The following PLGRKT variants were observed in gnomAD, a reference collection of about 807,000 sequenced individuals.
PLGRKT encodes plasminogen receptor (KT).
A neutral mutation model predicts 18.5 loss-of-function variants in PLGRKT; 22 were observed. That is an observed-to-expected ratio of 1.19 (90% CI 0.85 to 1.70). The LOEUF (loss-of-function observed/expected upper bound fraction) is 1.70. Ranked by LOEUF, PLGRKT falls within the 40% of genes most tolerant of loss-of-function variation. PLGRKT has a pLI of 0.00. For synonymous variants in PLGRKT, 72 were observed against 52.8 expected (o/e 1.36, Z -1.58); for missense variants, 235 against 174.4 (o/e 1.35, Z -1.96).
chr9:5,400,214 T>G (rs1352977900), intron 3 of PLGRKT, among the ~76,000 whole-genome samples: 1 of 151,820 alleles, frequency 6.6e-6, no homozygotes, highest in Non-Finnish European at 1.5e-5. Context: ...ACAGATAGAT[T>G]TTCCAAGAGA....
intron 3 of PLGRKT, among the ~76,000 whole-genome samples, chr9:5,399,845 G>C (rs753103737): frequency 6.6e-6 from 1 of 151,478 alleles, no homozygotes; most frequent in African/African-American, 2.4e-5. Context: ...CCAAAAATTA[G>C]CCAGGCCTGG....
At chr9:5,405,840 A>C (rs1167639944) in intron 3 of PLGRKT, among the ~76,000 whole-genome samples, 1 of 152,226 alleles carries the variant, frequency 6.6e-6, no homozygotes, top group Non-Finnish European at 1.5e-5. Context: ...AATAGAAGAA[A>C]ATTTTTGCAA....
chr9:5,369,059 T>C (rs1056673677), intron 3 of PLGRKT, among the ~76,000 whole-genome samples: 1 of 152,172 alleles, frequency 6.6e-6, no homozygotes, highest in Non-Finnish European at 1.5e-5. Flanking sequence ...AAGGACTTCA[T>C]GACTAAAACA....
At chr9:5,383,458 G>C in intron 3 of PLGRKT, among the ~76,000 whole-genome samples, 1 of 152,158 alleles carries the variant, frequency 6.6e-6, no homozygotes, top group Non-Finnish European at 1.5e-5. Flanking sequence ...GGACCAGGTT[G>C]ACGGATGGTT....
intron 5 of PLGRKT, 139 bp downstream of exon 5, chr9:5,360,939 G>A: frequency 1.8e-6 from 1 of 570,694 alleles, no homozygotes; most frequent in Non-Finnish European, 3.1e-6. Context: ...CTGTGTGAAA[G>A]GGAGCAGAAA....
At chr9:5,373,236 T>C (rs1319044869) in intron 3 of PLGRKT, among the ~76,000 whole-genome samples, 1 of 152,198 alleles carries the variant, frequency 6.6e-6, no homozygotes, top group Non-Finnish European at 1.5e-5. Flanking sequence ...CAGCATTTTA[T>C]GCCCCTATCC....
chr9:5,400,434 C>G (rs116350068), intron 3 of PLGRKT, among the ~76,000 whole-genome samples: 10,925 of 151,846 alleles, frequency 0.072, 592 homozygotes, highest in South Asian at 0.16. Flanking sequence ...ATGACATAAT[C>G]CTATTACCGT....
At chr9:5,361,227 A>T (rs371252814) in intron 4 of PLGRKT, 40 bp from the exon 5 acceptor site, 7 of 1,190,744 alleles carry the variant, frequency 5.9e-6, no homozygotes, top group Non-Finnish European at 8.7e-6. Context: ...ATCAAAAAAT[A>T]ACCTGTAAAT....
chr9:5,390,101 C>G (rs1817919598), intron 3 of PLGRKT, among the ~76,000 whole-genome samples: 1 of 151,638 alleles, frequency 6.6e-6, no homozygotes, highest in South Asian at 2.1e-4. Flanking sequence ...ATTCTAAAAT[C>G]CAGATACCAA....
At chr9:5,363,096 T>C (rs570541929) in intron 3 of PLGRKT, among the ~76,000 whole-genome samples, 44 of 151,838 alleles carry the variant, frequency 2.9e-4, no homozygotes, top group African/African-American at 9.2e-4. Context: ...GGACTACCAA[T>C]GAGTCCAAAA....
intron 3 of PLGRKT, chr9:5,381,738 C>T (rs1423982542): frequency 4.3e-6 from 1 of 234,704 alleles, no homozygotes; most frequent in African/African-American, 2.3e-5. Flanking sequence ...TGAGCAGGTT[C>T]TTCACTTGTT....
intron 3 of PLGRKT, among the ~76,000 whole-genome samples, chr9:5,417,853 T>A (rs1818493760): frequency 6.6e-6 from 1 of 151,818 alleles, no homozygotes; most frequent in Non-Finnish European, 1.5e-5. Context: ...CCATTCAAAA[T>A]GTATAAAAAG....
intron 3 of PLGRKT, among the ~76,000 whole-genome samples, chr9:5,415,777 C>A (rs1818447542): frequency 6.6e-6 from 1 of 152,036 alleles, no homozygotes; most frequent in African/African-American, 2.4e-5. Context: ...GTAAGAAATT[C>A]TACTAAATAA....
At chr9:5,402,658 G>C (rs1308235415) in intron 3 of PLGRKT, among the ~76,000 whole-genome samples, 1 of 151,862 alleles carries the variant, frequency 6.6e-6, no homozygotes, top group African/African-American at 2.4e-5. Context: ...GAGCCAGGTG[G>C]GCAGGTTGTG....
chr9:5,432,398 T>C (rs561588438), intron 2 of PLGRKT, among the ~76,000 whole-genome samples: 1 of 152,230 alleles, frequency 6.6e-6, no homozygotes, highest in Admixed American at 6.5e-5. Flanking sequence ...CCTTTGCATC[T>C]GAGGAGGGAT....
At chr9:5,406,988 T>G (rs1195410605) in intron 3 of PLGRKT, among the ~76,000 whole-genome samples, 1 of 152,212 alleles carries the variant, frequency 6.6e-6, no homozygotes, top group East Asian at 1.9e-4. Flanking sequence ...AAAATGTAAT[T>G]GCAGAGTGTT....
chr9:5,380,879 G>C (rs771244485), intron 3 of PLGRKT, among the ~76,000 whole-genome samples: 1 of 152,132 alleles, frequency 6.6e-6, no homozygotes, highest in South Asian at 2.1e-4. Context: ...TAGAGGGAGG[G>C]AGCTGGTAGG....
At chr9:5,409,623 G>C (rs962188321) in intron 3 of PLGRKT, among the ~76,000 whole-genome samples, 1 of 152,216 alleles carries the variant, frequency 6.6e-6, no homozygotes, top group Non-Finnish European at 1.5e-5. Flanking sequence ...CAGCCCATGA[G>C]AGCAGTTGTG....
chr9:5,377,480 A>G (rs1273464934), intron 3 of PLGRKT, among the ~76,000 whole-genome samples: 2 of 152,226 alleles, frequency 1.3e-5, no homozygotes, highest in East Asian at 1.9e-4. Context: ...GTATTTATCT[A>G]TATAAAAATA....
Sources: gnomAD v4.1 joint callset for allele counts (sites outside exome capture counted in the v4.1 genomes callset) on GRCh38, gnomAD v4.1.1 for gene constraint, MANE v1.5 for transcripts, NCBI Gene and HGNC (gene_info 2026-07-23, HGNC 2026-07-21) for gene names.